The following TMEM165 variants were observed in gnomAD, a reference collection of about 807,000 sequenced individuals.
TMEM165 encodes the protein putative divalent cation/proton antiporter TMEM165.
In TMEM165, 19 loss-of-function variants were observed where a neutral mutation model predicts 30.0. The ratio of observed to expected loss-of-function variants is 0.63; its 90% CI spans 0.44 to 0.93. The LOEUF (loss-of-function observed/expected upper bound fraction) is 0.93. Ranked by LOEUF, TMEM165 falls within the 40% of genes least tolerant of loss-of-function variation. TMEM165 has a pLI of 0.00. For synonymous variants in TMEM165, 168 were observed against 162.9 expected, an observed-to-expected ratio of 1.03 and a Z score of -0.24; for missense variants, 340 against 417.0, an observed-to-expected ratio of 0.82 and a Z score of 1.61.
chr4:55,450,267 G>A, intron 3 of TMEM165: 1 of 1,612,940 alleles, frequency 6.2e-7, no homozygotes, highest in Non-Finnish European at 8.5e-7. Flanking sequence ...GTTTTCTTGT[G>A]GTTCAGTTCA....
At chr4:55,428,173 A>G (rs1345773876), downstream of TMEM165, 28 of 152,166 alleles carry the variant, frequency 1.8e-4, no homozygotes, top group Admixed American at 1.8e-3. Context: ...AAAGAGCAGA[A>G]TAATAGTACA....
chr4:55,406,843 G>A (rs1427600971), intron 1 of TMEM165, among the ~76,000 whole-genome samples: 5 of 151,332 alleles, frequency 3.3e-5, no homozygotes, highest in African/African-American at 1.2e-4. Flanking sequence ...TGTATTTTTT[G>A]TAGAGACAGG....
intron 1 of TMEM165, 22 bp downstream of exon 1, chr4:55,396,418 G>C (rs1228528168): frequency 2.1e-6 from 3 of 1,430,404 alleles, no homozygotes; most frequent in Non-Finnish European, 2.7e-6. Flanking sequence ...GGGATGGGGC[G>C]AGCGAGGCTG....
At chr4:55,440,082 CAG>C (rs1301052550) in intron 3 of TMEM165, among the ~76,000 whole-genome samples, 6 of 151,848 alleles carry the variant, frequency 4.0e-5, no homozygotes, top group African/African-American at 1.5e-4. Context: ...CTAGGGGTGT[CAG>C]ATATATGTGG....
chr4:55,435,276 A>G (rs1722790382), intron 3 of TMEM165: 3 of 1,016,766 alleles, frequency 3.0e-6, no homozygotes. Context: ...TTCTCTGCCA[A>G]CTAATTCCAG....
intron 1 of TMEM165, among the ~76,000 whole-genome samples, chr4:55,405,588 A>G (rs1187594977): frequency 3.3e-5 from 5 of 152,216 alleles, no homozygotes; most frequent in Non-Finnish European, 5.9e-5. Context: ...TAAGAGTACT[A>G]ATATTTCTGC....
chr4:55,435,835 T>G (rs543332775), intron 3 of TMEM165, among the ~76,000 whole-genome samples: 1 of 152,266 alleles, frequency 6.6e-6, no homozygotes, highest in Non-Finnish European at 1.5e-5. Flanking sequence ...TTTTATGGTA[T>G]AGAAAGCAAT....
chr4:55,443,742 A>G (rs758442133), intron 3 of TMEM165: 5 of 1,614,016 alleles, frequency 3.1e-6, no homozygotes, highest in Non-Finnish European at 1.7e-6. Context: ...AGTTGTGCCA[A>G]TGTGTCCAGT....
chr4:55,433,332 G>A (rs1212360822), intron 3 of TMEM165: 1 of 152,616 alleles, frequency 6.6e-6, no homozygotes, highest in Non-Finnish European at 1.5e-5. Context: ...CACTTCTTTT[G>A]TAGAAGGGTA....
chr4:55,398,575 G>GCTTTCT (rs1347678784), intron 1 of TMEM165, among the ~76,000 whole-genome samples: 2 of 152,164 alleles, frequency 1.3e-5, no homozygotes, highest in Non-Finnish European at 2.9e-5. Flanking sequence ...CTTGAGCCTA[G>GCTTTCT]CTTTCTCTTT....
intron 4 of TMEM165, among the ~76,000 whole-genome samples, chr4:55,419,342 C>A (rs891434161): frequency 6.6e-6 from 1 of 151,996 alleles, no homozygotes. Flanking sequence ...AAAGTCTTAG[C>A]CCAAGAATCC....
intron 3 of TMEM165, among the ~76,000 whole-genome samples, chr4:55,437,498 C>G (rs949402914): frequency 1.3e-5 from 2 of 152,152 alleles, no homozygotes; most frequent in African/African-American, 2.4e-5. Context: ...ATAAGGAGAG[C>G]CTGTCTGATT....
At chr4:55,448,815 T>C (rs1241918554) in intron 3 of TMEM165, 1 of 1,613,900 alleles carries the variant, frequency 6.2e-7, no homozygotes, top group Non-Finnish European at 8.5e-7. Flanking sequence ...AATTTGTAGC[T>C]TGAGACATCA....
chr4:55,450,263 T>C, intron 3 of TMEM165: 4 of 1,613,464 alleles, frequency 2.5e-6, no homozygotes, highest in South Asian at 1.1e-5. Flanking sequence ...AAATGTTTTC[T>C]TGTGGTTCAG....
intron 3 of TMEM165, chr4:55,448,839 T>C (rs1407205809): frequency 1.9e-6 from 3 of 1,613,956 alleles, no homozygotes; most frequent in Non-Finnish European, 2.5e-6. Context: ...GCTGTGTTAA[T>C]GATGAACCAA....
chr4:55,396,525 G>C (rs959011313), intron 1 of TMEM165, 129 bp downstream of exon 1: 3 of 776,054 alleles, frequency 3.9e-6, no homozygotes, highest in Non-Finnish European at 1.9e-6. Context: ...CCTGCTCCCG[G>C]GGTGGAGGGC....
intron 3 of TMEM165, among the ~76,000 whole-genome samples, chr4:55,439,789 G>C (rs756508493): frequency 6.6e-6 from 1 of 152,130 alleles, no homozygotes; most frequent in African/African-American, 2.4e-5. Context: ...CCATTTATAT[G>C]AGGTACTTAG....
chr4:55,416,748 T>C (rs551841729), intron 2 of TMEM165, among the ~76,000 whole-genome samples: 6 of 152,278 alleles, frequency 3.9e-5, no homozygotes, highest in African/African-American at 1.4e-4. Flanking sequence ...TACTGTGCCT[T>C]GCACAACATA....
chr4:55,446,726 T>C (rs1378890674), intron 3 of TMEM165, among the ~76,000 whole-genome samples: 1 of 152,226 alleles, frequency 6.6e-6, no homozygotes, highest in Non-Finnish European at 1.5e-5. Context: ...ATCTCTTAAG[T>C]CTATACAGGC....
Sources: gnomAD v4.1 joint callset for allele counts (sites outside exome capture counted in the v4.1 genomes callset) on GRCh38, gnomAD v4.1.1 for gene constraint, MANE v1.5 for transcripts, NCBI Gene and HGNC (gene_info 2026-07-23, HGNC 2026-07-21) for gene names.